Variants in ROCK1 observed in about 807,000 individuals in gnomAD.
ROCK1 encodes the protein rho-associated protein kinase 1.
Under a neutral mutation model 196.8 loss-of-function variants are expected in ROCK1, and 36 were observed. That is an observed-to-expected ratio of 0.18 (90% CI 0.14 to 0.24). The LOEUF (loss-of-function observed/expected upper bound fraction) is 0.24. ROCK1 is among the 10% of genes least tolerant of loss of function. The pLI, the probability that ROCK1 is intolerant of heterozygous loss-of-function variation, is 1.00. For missense variants in ROCK1, 920 were observed against 1,562.0 expected (o/e 0.59, Z 6.93); for synonymous variants, 443 against 515.9 (o/e 0.86, Z 1.91).
At chr18:21,075,989 C>G (rs1328168071) in intron 1 of ROCK1, among the ~76,000 whole-genome samples, 1 of 147,328 alleles carries the variant, frequency 6.8e-6, no homozygotes, top group African/African-American at 2.5e-5. Flanking sequence ...AAGAGGTACA[C>G]AGAGCAAAAA....
intron 19 of ROCK1, among the ~76,000 whole-genome samples, chr18:20,984,830 T>C (rs2035563796): frequency 6.6e-6 from 1 of 152,108 alleles, no homozygotes; most frequent in South Asian, 2.1e-4. Context: ...AACTCACTTC[T>C]GGGCCAGGCA....
intron 16 of ROCK1, among the ~76,000 whole-genome samples, chr18:20,995,889 A>C (rs2035666470): frequency 6.6e-6 from 1 of 152,170 alleles, no homozygotes; most frequent in Non-Finnish European, 1.5e-5. Flanking sequence ...CCAAAAACTT[A>C]AATCACAACA....
intron 1 of ROCK1, among the ~76,000 whole-genome samples, chr18:21,093,323 A>G (rs1172107862): frequency 1.3e-5 from 2 of 152,196 alleles, no homozygotes; most frequent in East Asian, 3.9e-4. Context: ...GGCCAGGCCA[A>G]ATAAGCACAG....
At chr18:21,042,059 C>A in intron 8 of ROCK1, 38 bp downstream of exon 8, 1 of 1,571,014 alleles carries the variant, frequency 6.4e-7, no homozygotes, top group Non-Finnish European at 8.6e-7. Context: ...ATGAGAAGTC[C>A]TCAGAATTAA....
At chr18:21,077,941 A>C (rs2036448263) in intron 1 of ROCK1, among the ~76,000 whole-genome samples, 1 of 152,236 alleles carries the variant, frequency 6.6e-6, no homozygotes, top group Non-Finnish European at 1.5e-5. Context: ...GACTTCAGTA[A>C]TCACTCACAG....
At position 20,946,958 on chromosome 18, in the gene ROCK1, C is replaced by G. The variant is rs2035134166; in HGVS notation, c.*4426G>C. 1 of 152,176 alleles carries G rather than the reference C, an allele frequency of 6.6e-6. No homozygotes were observed. Among genetic ancestry groups the G allele is most frequent in the African/African-American group, 2.4e-5 (1 of 41,460 alleles). 9.4% of individuals were successfully genotyped at this position (152,176 alleles called of 1,614,324 possible). On this transcript the variant is annotated 3_prime_UTR_variant, in exon 33 of 33. Coordinates refer to ENST00000399799, the MANE Select transcript of ROCK1 (RefSeq NM_005406.3). ...AAACCATCCTACATGGTACAAGAAA[C>G]CAATTTATAGGATTAACATACAAGT... is the stretch of plus-strand genomic sequence containing the variant.
At chr18:21,062,791 C>T (rs1473805154) in intron 2 of ROCK1, among the ~76,000 whole-genome samples, 1 of 152,050 alleles carries the variant, frequency 6.6e-6, no homozygotes, top group Admixed American at 6.6e-5. Context: ...CCTCATAAAG[C>T]TGGAAATTTT....
At chr18:21,078,348 A>ACG in intron 1 of ROCK1, among the ~76,000 whole-genome samples, 1 of 143,002 alleles carries the variant, frequency 7.0e-6, no homozygotes, top group African/African-American at 2.7e-5. Context: ...ACCTACACAC[A>ACG]CACACACACA....
At chr18:21,095,919 G>A (rs2036609090) in intron 1 of ROCK1, among the ~76,000 whole-genome samples, 1 of 151,634 alleles carries the variant, frequency 6.6e-6, no homozygotes, top group South Asian at 2.1e-4. Context: ...ATTACACACA[G>A]CATGCCTGTA....
chr18:20,967,629 C>A, intron 26 of ROCK1, 123 bp downstream of exon 26: 6 of 732,184 alleles, frequency 8.2e-6, no homozygotes, highest in Non-Finnish European at 1.2e-5. Flanking sequence ...AGTCTGAAAC[C>A]AAACAGGCAG....
At chr18:21,033,854 T>TAAAAAAAA (rs71269004) in intron 9 of ROCK1, among the ~76,000 whole-genome samples, 562 of 33,434 alleles carry the variant, frequency 0.017, 79 homozygotes, top group Middle Eastern at 0.038. Context: ...CCGTTTCTAC[T>TAAAAAAAA]AAAAAAAAAA....
intron 16 of ROCK1, among the ~76,000 whole-genome samples, chr18:21,000,115 C>A (rs2035710178): frequency 6.6e-6 from 1 of 152,136 alleles, no homozygotes; most frequent in South Asian, 2.1e-4. Flanking sequence ...AGGGTTCAAA[C>A]TTCCTGATTT....
chr18:21,027,539 G>C (rs2035969388), intron 10 of ROCK1, among the ~76,000 whole-genome samples: 1 of 152,020 alleles, frequency 6.6e-6, no homozygotes, highest in Non-Finnish European at 1.5e-5. Context: ...ACCATGCAAA[G>C]CCCTCTTCTA....
chr18:21,062,534 A>G (rs529025616), intron 2 of ROCK1, among the ~76,000 whole-genome samples: 15 of 151,486 alleles, frequency 9.9e-5, no homozygotes, highest in South Asian at 6.2e-4. Context: ...TATATAAATC[A>G]ATGACTAAAT....
At position 21,045,471 on chromosome 18, in the gene ROCK1, T is replaced by C. The variant is rs1186667620; in HGVS notation, c.415-4A>G. 1 of 1,572,214 alleles carries C rather than the reference T, an allele frequency of 6.4e-7. No individual in the cohort carries two copies. The highest frequency in any genetic ancestry group is 8.6e-7 in the Non-Finnish European group (1 of 1,161,858). The stretch of plus-strand genomic sequence containing the variant: ...CATCTTGGAATGCATAAAAAAGCTA[T>C]ACAAATAGAAAAAACAAACAAAACA... On this transcript the variant is annotated splice_region_variant and splice_polypyrimidine_tract_variant and intron_variant, in intron 4 of 32. Coordinates refer to ENST00000399799, the MANE Select transcript of ROCK1 (RefSeq NM_005406.3).
Position 21,042,644 on chromosome 18 carries a change from T to C in ROCK1, c.741A>G (p.Lys247=). ...TPDYISPEVL[K]SQGGDGYYGR... is the part of the protein sequence containing the mutation. ...CATAATAACCATCACCACCTTGGGA[T>C]TTTAATACTTCAGGGGAAATATAAT... The change falls in exon 7 of 33, where the codon AAA becomes AAG. Residue 247 remains lysine, a synonymous_variant. Coordinates refer to ENST00000399799, the MANE Select transcript of ROCK1 (RefSeq NM_005406.3). The C allele has an allele frequency of 6.2e-7, 1 of 1,613,978 alleles. No homozygotes were observed. Among genetic ancestry groups the C allele is most frequent in the Non-Finnish European group, 8.5e-7 (1 of 1,179,890 alleles).
intron 1 of ROCK1, among the ~76,000 whole-genome samples, chr18:21,084,390 C>T (rs1177468000): frequency 4.0e-5 from 6 of 151,878 alleles, no homozygotes; most frequent in South Asian, 2.1e-4. Flanking sequence ...GAGATTATTA[C>T]GCAAAATATG....
chr18:20,966,781 T>C, intron 27 of ROCK1, 136 bp downstream of exon 27: 1 of 676,624 alleles, frequency 1.5e-6, no homozygotes, highest in Non-Finnish European at 2.5e-6. Flanking sequence ...TCATCAGGCC[T>C]TGGCTATCAG....
At chr18:21,085,860 AG>A (rs2036522118) in intron 1 of ROCK1, among the ~76,000 whole-genome samples, 1 of 152,206 alleles carries the variant, frequency 6.6e-6, no homozygotes, top group Admixed American at 6.5e-5. Context: ...TATCCAAATG[AG>A]TCACAAAAAT....
Sources: gnomAD v4.1 joint callset for allele counts (sites outside exome capture counted in the v4.1 genomes callset) on GRCh38, gnomAD v4.1.1 for gene constraint, MANE v1.5 for transcripts, NCBI Gene and HGNC (gene_info 2026-07-23, HGNC 2026-07-21) for gene names.